The following SGPP1 variants were observed in gnomAD, a reference collection of about 807,000 sequenced individuals.
SGPP1 encodes sphingosine-1-phosphate phosphatase 1, also known as hSPP1.
Under a neutral mutation model 33.0 loss-of-function variants are expected in SGPP1, and 21 were observed. The ratio of observed to expected loss-of-function variants is 0.64; its 90% CI spans 0.45 to 0.92. The LOEUF (loss-of-function observed/expected upper bound fraction) is 0.92, where lower values mean the gene tolerates loss of function less well. Ranked by LOEUF, SGPP1 falls within the 40% of genes least tolerant of loss-of-function variation. SGPP1 has a pLI of 0.00. For missense variants in SGPP1, 543 were observed against 589.4 expected, an observed-to-expected ratio of 0.92 and a Z score of 0.81; for synonymous variants, 239 against 241.2, an observed-to-expected ratio of 0.99 and a Z score of 0.08.
chr14:63,698,002 G>A (rs966497012), intron 2 of SGPP1, among the ~76,000 whole-genome samples: 4 of 152,318 alleles, frequency 2.6e-5, no homozygotes, highest in East Asian at 1.9e-4. Context: ...TAGGGATAGC[G>A]AGGAGGGAAA....
rs139269196 is a variant in SGPP1, at chr14:63,727,312, G to C, written c.633C>G (p.Ser211=). The change falls in exon 1 of 3, where the codon TCC becomes TCG. Residue 211 remains serine (S), a synonymous_variant. Coordinates refer to ENST00000247225, the MANE Select transcript of SGPP1 (RefSeq NM_030791.4). ...CCATAGAAATGGGGATGGCGGTGCC[G>C]GACATGGCATGGGTGGAGGGCATGC... ...EYSMPSTHAM[S]GTAIPISMVL... is the part of the protein sequence containing the mutation. 6 of 1,613,850 alleles carry C rather than the reference G, an allele frequency of 3.7e-6. No individual in the cohort carries two copies. The highest frequency in any genetic ancestry group is 2.2e-5 in the South Asian group (2 of 91,066).
chr14:63,695,676 T>C lies in SGPP1; in HGVS notation c.774+2893A>G, dbSNP rs528257504. 1.6e-3 allele frequency among the ~76,000 whole-genome samples: 240 copies of C among 151,730 alleles called. 1 individual carries two copies. Among genetic ancestry groups the C allele is most frequent in the African/African-American group, 5.6e-3 (231 of 41,350 alleles). ...TCTGTAATCCCAGCACCTTGAGAGG[T>C]TGAGGTGGAACGATCACTTGAACCA... On this transcript the variant is annotated intron_variant, in intron 2 of 2. Transcript: ENST00000247225.
intron 1 of SGPP1, among the ~76,000 whole-genome samples, chr14:63,707,376 A>C (rs1367022342): frequency 6.6e-6 from 1 of 152,170 alleles, no homozygotes; most frequent in Non-Finnish European, 1.5e-5. Context: ...GTGAAGAAAG[A>C]GTAGGGCTAC....
At chr14:63,688,472 T>C (rs1238067466) in intron 2 of SGPP1, among the ~76,000 whole-genome samples, 1 of 152,020 alleles carries the variant, frequency 6.6e-6, no homozygotes, top group African/African-American at 2.4e-5. Context: ...TAGAAGATGG[T>C]TTACTTGAGG....
chr14:63,726,560 T>C (rs1158263316), intron 1 of SGPP1, among the ~76,000 whole-genome samples: 1 of 152,292 alleles, frequency 6.6e-6, no homozygotes, highest in Non-Finnish European at 1.5e-5. Flanking sequence ...TTTTAAACCA[T>C]GCATTTTTAG....
intron 2 of SGPP1, among the ~76,000 whole-genome samples, chr14:63,687,651 G>C (rs1386957257): frequency 1.3e-5 from 2 of 152,156 alleles, no homozygotes; most frequent in African/African-American, 4.8e-5. Flanking sequence ...ACCAGGTAGA[G>C]GGAATATCAA....
chr14:63,701,753 G>C (rs1320907507), intron 1 of SGPP1, among the ~76,000 whole-genome samples: 8 of 152,048 alleles, frequency 5.3e-5, no homozygotes, highest in Non-Finnish European at 5.9e-5. Context: ...CTGCTATGTA[G>C]AGATTAAATT....
chr14:63,719,014 ATTTTTTTTTTTTTTTTT>A (rs1163496718), intron 1 of SGPP1, among the ~76,000 whole-genome samples: 1 of 19,424 alleles, frequency 5.1e-5, no homozygotes, highest in South Asian at 3.6e-3. Flanking sequence ...ATATATATAT[ATTTTTTTTTTTTTTTTT>A]TTTTTTTTTT....
At chr14:63,710,443 T>C (rs960092704) in intron 1 of SGPP1, among the ~76,000 whole-genome samples, 3 of 152,202 alleles carry the variant, frequency 2.0e-5, no homozygotes, top group Admixed American at 6.5e-5. Context: ...ATGCATTATA[T>C]TGGAACTCCA....
At chr14:63,703,655 C>CAAA (rs36065588) in intron 1 of SGPP1, among the ~76,000 whole-genome samples, 55 of 38,684 alleles carry the variant, frequency 1.4e-3, no homozygotes, top group East Asian at 3.1e-3. Flanking sequence ...GACTCCATCT[C>CAAA]AAAAAAAAAA....
intron 1 of SGPP1, among the ~76,000 whole-genome samples, chr14:63,709,746 AC>A (rs1433842944): frequency 5.3e-5 from 8 of 152,124 alleles, no homozygotes; most frequent in African/African-American, 1.9e-4. Context: ...AATGTACCAA[AC>A]CCAAAACAGA....
intron 1 of SGPP1, among the ~76,000 whole-genome samples, chr14:63,701,282 C>T (rs1449445347): frequency 5.3e-5 from 8 of 152,112 alleles, no homozygotes; most frequent in Non-Finnish European, 1.2e-4. Flanking sequence ...CCACTCCTGG[C>T]CAAGATACAA....
intron 1 of SGPP1, among the ~76,000 whole-genome samples, chr14:63,722,813 C>A (rs1321835444): frequency 2.6e-5 from 4 of 151,104 alleles, no homozygotes; most frequent in Non-Finnish European, 5.9e-5. Flanking sequence ...AACAAACAAA[C>A]AAACAAACAA....
At chr14:63,714,396 T>C (rs1220703259) in intron 1 of SGPP1, among the ~76,000 whole-genome samples, 1 of 152,192 alleles carries the variant, frequency 6.6e-6, no homozygotes, top group Non-Finnish European at 1.5e-5. Context: ...ATGTTTGTAC[T>C]TCACTTTTTT....
chr14:63,699,939 G>T (rs1355726933), intron 1 of SGPP1, among the ~76,000 whole-genome samples: 1 of 151,948 alleles, frequency 6.6e-6, no homozygotes, highest in Non-Finnish European at 1.5e-5. Flanking sequence ...GAAGGATTCT[G>T]TCCTTAGTAG....
At chr14:63,705,073 GCCGAGAT>G (rs998068853) in intron 1 of SGPP1, among the ~76,000 whole-genome samples, 1 of 151,800 alleles carries the variant, frequency 6.6e-6, no homozygotes, top group African/African-American at 2.4e-5. Flanking sequence ...GTTGCAGTGA[GCCGAGAT>G]CGTGCCATTG....
chr14:63,694,905 T>C (rs1885157344), intron 2 of SGPP1, among the ~76,000 whole-genome samples: 2 of 152,186 alleles, frequency 1.3e-5, no homozygotes, highest in East Asian at 3.8e-4. Flanking sequence ...TAGATGATAT[T>C]AAATACCATA....
At chr14:63,695,293 T>C (rs1885164630) in intron 2 of SGPP1, among the ~76,000 whole-genome samples, 1 of 152,072 alleles carries the variant, frequency 6.6e-6, no homozygotes, top group Non-Finnish European at 1.5e-5. Context: ...TCTGACCTCA[T>C]GATCCGCCCG....
chr14:63,725,038 GGATT>G (rs1479632823), intron 1 of SGPP1, among the ~76,000 whole-genome samples: 1 of 151,326 alleles, frequency 6.6e-6, no homozygotes, highest in Non-Finnish European at 1.5e-5. Context: ...TTTTTGTACT[GGATT>G]ATTAGTCAAA....
Sources: allele counts gnomAD v4.1 joint callset (sites outside exome capture counted in the v4.1 genomes callset), GRCh38; gene constraint gnomAD v4.1.1; transcripts MANE v1.5; gene names NCBI Gene and HGNC (gene_info 2026-07-23, HGNC 2026-07-21).